SAMD12: variants seen among roughly 807,000 people sequenced by gnomAD.
The protein encoded by SAMD12 is sterile alpha motif domain-containing protein 12.
Under a neutral mutation model 15.0 loss-of-function variants are expected in SAMD12, and 9 were observed. That is an observed-to-expected ratio of 0.60 (90% CI 0.36 to 1.05). The LOEUF is 1.05. SAMD12 is among the 50% of genes least tolerant of loss of function. The pLI, the probability that SAMD12 is intolerant of heterozygous loss-of-function variation, is 0.01. For missense variants in SAMD12, 230 were observed against 234.2 expected, an observed-to-expected ratio of 0.98 and a Z score of 0.12; for synonymous variants, 86 against 90.1, an observed-to-expected ratio of 0.96 and a Z score of 0.25.
chr8:118,137,967 C>T, the SAMD12 span, among the ~76,000 whole-genome samples: 1 of 150,496 alleles, frequency 6.6e-6, no homozygotes, highest in Admixed American at 6.6e-5. Flanking sequence ...TTTTCCTTAA[C>T]TTTTTTTTCT....
Position 118,367,236 on chromosome 8 carries a change from A to G in SAMD12, c.433+12324T>C, listed in dbSNP as rs1368781345. The stretch of plus-strand genomic sequence containing the variant: ...GGGACAGAAGTCCTAAAGCACACAG[A>G]TGGCATATTTTTCTGTTTCTTCTTA... On this transcript the variant is annotated intron_variant, in intron 4 of 4. Coordinates refer to the SAMD12 transcript ENST00000409003. Among the ~76,000 whole-genome samples, 4 of 152,260 alleles carry G rather than the reference A, an allele frequency of 2.6e-5. No homozygotes were observed. The East Asian group carries it at 7.7e-4, about 29-fold the overall frequency.
chr8:118,558,122 T>C (rs1826595120), intron 2 of SAMD12, among the ~76,000 whole-genome samples: 2 of 152,190 alleles, frequency 1.3e-5, no homozygotes, highest in African/African-American at 4.8e-5. Context: ...AAAAAGTATA[T>C]CTACGCAAGT....
At chr8:118,166,776 C>T in the SAMD12 span, among the ~76,000 whole-genome samples, 1 of 152,196 alleles carries the variant, frequency 6.6e-6, no homozygotes, top group African/African-American at 2.4e-5. Flanking sequence ...AACAAAGGTA[C>T]AACAATGGTA....
At chr8:118,155,145 TA>T in the SAMD12 span, among the ~76,000 whole-genome samples, 24 of 152,244 alleles carry the variant, frequency 1.6e-4, no homozygotes, top group Non-Finnish European at 2.8e-4. Flanking sequence ...TATTTATTTG[TA>T]TCTATTTAGT....
At chr8:118,416,285 T>C in intron 3 of SAMD12, among the ~76,000 whole-genome samples, 1 of 152,204 alleles carries the variant, frequency 6.6e-6, no homozygotes, top group East Asian at 1.9e-4. Context: ...TATTAACTAT[T>C]GTTATTATTA....
At chr8:118,305,463 T>G (rs933628966) in intron 4 of SAMD12, among the ~76,000 whole-genome samples, 1 of 152,232 alleles carries the variant, frequency 6.6e-6, no homozygotes, top group Non-Finnish European at 1.5e-5. Context: ...AATCAGACTT[T>G]TATTTCTTTT....
chr8:118,513,691 G>T (rs950483742), intron 2 of SAMD12, among the ~76,000 whole-genome samples: 1 of 152,240 alleles, frequency 6.6e-6, no homozygotes, highest in Non-Finnish European at 1.5e-5. Context: ...GGGGAGGGGT[G>T]GATGTAGTGG....
intron 4 of SAMD12, among the ~76,000 whole-genome samples, chr8:118,355,010 C>G (rs1818160515): frequency 6.6e-6 from 1 of 152,176 alleles, no homozygotes; most frequent in African/African-American, 2.4e-5. Context: ...AGTAGATCTA[C>G]CATTTGATCC....
intron 2 of SAMD12, among the ~76,000 whole-genome samples, chr8:118,546,013 A>T (rs1163705782): frequency 6.6e-6 from 1 of 152,200 alleles, no homozygotes; most frequent in Non-Finnish European, 1.5e-5. Flanking sequence ...AACCTCTGTC[A>T]CATACCTCTC....
At chr8:118,409,050 C>T (rs577825999) in intron 3 of SAMD12, among the ~76,000 whole-genome samples, 1 of 152,140 alleles carries the variant, frequency 6.6e-6, no homozygotes, top group African/African-American at 2.4e-5. Context: ...AGGTGCATGC[C>T]ACCATGCCCG....
chr8:118,554,773 A>C (rs1826474881), intron 2 of SAMD12, among the ~76,000 whole-genome samples: 1 of 152,174 alleles, frequency 6.6e-6, no homozygotes, highest in Admixed American at 6.5e-5. Context: ...CAATCAGTTG[A>C]AGGCCTCAAA....
chr8:118,338,049 T>C (rs1254186493), intron 4 of SAMD12, among the ~76,000 whole-genome samples: 1 of 152,222 alleles, frequency 6.6e-6, no homozygotes, highest in African/African-American at 2.4e-5. Context: ...GTACAGCTTT[T>C]ACTCACTTAA....
chr8:118,342,327 T>C (rs1563777873), intron 4 of SAMD12, among the ~76,000 whole-genome samples: 1 of 151,466 alleles, frequency 6.6e-6, no homozygotes, highest in Non-Finnish European at 1.5e-5. Context: ...ACTACTGACA[T>C]ATATTTGGAA....
chr8:118,227,011 A>G (rs1812203282), intron 4 of SAMD12, among the ~76,000 whole-genome samples: 1 of 152,190 alleles, frequency 6.6e-6, no homozygotes, highest in South Asian at 2.1e-4. Context: ...CAGTCCAATT[A>G]CTGGGTATAT....
intron 2 of SAMD12, among the ~76,000 whole-genome samples, chr8:118,512,848 A>T (rs1164968637): frequency 6.6e-6 from 1 of 152,144 alleles, no homozygotes; most frequent in African/African-American, 2.4e-5. Flanking sequence ...AAGTTTAAGT[A>T]TCATTTTCTC....
At chr8:118,620,309 T>C (rs1828360829) in intron 1 of SAMD12, among the ~76,000 whole-genome samples, 1 of 142,014 alleles carries the variant, frequency 7.0e-6, no homozygotes, top group Admixed American at 7.7e-5. Context: ...TAGGTCAACA[T>C]ATCCTTGGTC....
chr8:118,509,136 T>C (rs1716965160), intron 2 of SAMD12, among the ~76,000 whole-genome samples: 1 of 152,192 alleles, frequency 6.6e-6, no homozygotes, highest in African/African-American at 2.4e-5. Context: ...GATCCTGAGT[T>C]GATCATTCTG....
chr8:118,558,688 A>C (rs1357328050), intron 2 of SAMD12, among the ~76,000 whole-genome samples: 4 of 152,018 alleles, frequency 2.6e-5, no homozygotes, highest in Non-Finnish European at 5.9e-5. Flanking sequence ...CCTCCCGAGT[A>C]GCTGGGACTA....
At chr8:118,253,662 A>G (rs992557171) in intron 4 of SAMD12, among the ~76,000 whole-genome samples, 14 of 152,142 alleles carry the variant, frequency 9.2e-5, no homozygotes, top group African/African-American at 3.4e-4. Flanking sequence ...TGTGCTCAGC[A>G]CGATCTCTGA....
Sources: allele counts gnomAD v4.1 joint callset (sites outside exome capture counted in the v4.1 genomes callset), GRCh38; gene constraint gnomAD v4.1.1; transcripts MANE v1.5; gene names NCBI Gene and HGNC (gene_info 2026-07-23, HGNC 2026-07-21).